The following LUZP2 variants were observed in gnomAD, a reference collection of about 807,000 sequenced individuals.
The protein encoded by LUZP2 is leucine zipper protein 2.
Under a neutral mutation model 51.6 loss-of-function variants are expected in LUZP2, and 52 were observed. That is an observed-to-expected ratio of 1.01 (90% CI 0.81 to 1.27). LUZP2 has a LOEUF of 1.27. Among genes scored for constraint, LUZP2 ranks in the 50% most tolerant of loss-of-function variants. The pLI, the probability that LUZP2 is intolerant of heterozygous loss-of-function variation, is 0.00. For missense variants in LUZP2, 436 were observed against 395.4 expected, an observed-to-expected ratio of 1.10 and a Z score of -0.87; for synonymous variants, 154 against 137.3, an observed-to-expected ratio of 1.12 and a Z score of -0.85.
At chr11:24,593,564 A>C (rs898358436) in intron 1 of LUZP2, among the ~76,000 whole-genome samples, 9 of 152,158 alleles carry the variant, frequency 5.9e-5, no homozygotes, top group African/African-American at 2.2e-4. Context: ...TGCCCAGAAC[A>C]TCTCAAATTT....
chr11:24,936,098 T>G (rs188804645), intron 7 of LUZP2, among the ~76,000 whole-genome samples: 12 of 152,272 alleles, frequency 7.9e-5, no homozygotes, highest in African/African-American at 2.9e-4. Flanking sequence ...AAGAAGACAT[T>G]TACCTTTTAC....
chr11:24,953,011 C>T (rs757018522), intron 7 of LUZP2, among the ~76,000 whole-genome samples: 3 of 151,396 alleles, frequency 2.0e-5, no homozygotes, highest in Non-Finnish European at 2.9e-5. Context: ...CTTATGAATT[C>T]AAGTGAAAAT....
chr11:24,818,775 AC>A (rs1850266444), intron 5 of LUZP2, among the ~76,000 whole-genome samples: 1 of 151,978 alleles, frequency 6.6e-6, no homozygotes, highest in Non-Finnish European at 1.5e-5. Context: ...ATGACCCCTT[AC>A]TTGGCTTGAT....
At chr11:24,732,857 T>C (rs980144336) in intron 3 of LUZP2, among the ~76,000 whole-genome samples, 6 of 151,738 alleles carry the variant, frequency 4.0e-5, no homozygotes, top group African/African-American at 1.4e-4. Flanking sequence ...ACAACTACCT[T>C]GTGAAGTGGC....
chr11:24,512,027 G>C (rs1280380125), intron 1 of LUZP2, among the ~76,000 whole-genome samples: 1 of 152,174 alleles, frequency 6.6e-6, no homozygotes, highest in Non-Finnish European at 1.5e-5. Context: ...GGGGGAGAGT[G>C]AATAAAGAAA....
chr11:24,727,175 TAAAC>T (rs1858512924), intron 1 of LUZP2, among the ~76,000 whole-genome samples: 1 of 152,042 alleles, frequency 6.6e-6, no homozygotes, highest in Non-Finnish European at 1.5e-5. Flanking sequence ...ATAAATATAG[TAAAC>T]AAAGTCAACA....
chr11:24,995,001 C>T (rs1856451157), intron 9 of LUZP2, among the ~76,000 whole-genome samples: 1 of 152,050 alleles, frequency 6.6e-6, no homozygotes, highest in African/African-American at 2.4e-5. Context: ...ATAAGAATAC[C>T]ATAAAACGTT....
intron 1 of LUZP2, among the ~76,000 whole-genome samples, chr11:24,657,714 G>A (rs1166579270): frequency 6.6e-6 from 1 of 152,074 alleles, no homozygotes; most frequent in Non-Finnish European, 1.5e-5. Context: ...TAACCTGATA[G>A]GTAACTTCAG....
chr11:24,858,983 T>C (rs1194217277), intron 5 of LUZP2, among the ~76,000 whole-genome samples: 3 of 152,218 alleles, frequency 2.0e-5, no homozygotes, highest in Non-Finnish European at 4.4e-5. Flanking sequence ...TTATCATTAT[T>C]GATATATTGT....
In LUZP2 at chr11:24,534,878, T is replaced by C. The variant is rs577115378; in HGVS notation, c.62+37573T>C. On this transcript the variant is annotated intron_variant, in intron 1 of 11. Transcript: ENST00000336930. ...GGTCCTTGGCAATGCAGGTCCTTGG[T>C]TGAAACTTTTAAAACTTGAATTTCT... Among the ~76,000 whole-genome samples the C allele has an allele frequency of 7.3e-5, 11 of 151,544 alleles. No individual in the cohort carries two copies. The South Asian group carries it at 2.3e-3, about 31-fold the overall frequency.
At chr11:24,651,998 T>C (rs1386675517) in intron 1 of LUZP2, among the ~76,000 whole-genome samples, 1 of 152,064 alleles carries the variant, frequency 6.6e-6, no homozygotes, top group Non-Finnish European at 1.5e-5. Flanking sequence ...TGTGTGTTTG[T>C]GTGTATGTGT....
intron 1 of LUZP2, among the ~76,000 whole-genome samples, chr11:24,645,736 T>A (rs1855442525): frequency 6.6e-6 from 1 of 151,896 alleles, no homozygotes; most frequent in Non-Finnish European, 1.5e-5. Flanking sequence ...TGCAGTAATA[T>A]CTGGCTTGTT....
intron 1 of LUZP2, among the ~76,000 whole-genome samples, chr11:24,656,409 C>T (rs1855805613): frequency 6.6e-6 from 1 of 152,002 alleles, no homozygotes; most frequent in Non-Finnish European, 1.5e-5. Flanking sequence ...TTACCTAAGC[C>T]CGTATGGATT....
rs866156279 is a variant in LUZP2 at position 24,602,273 on chromosome 11, C to T, written c.62+104968C>T. On this transcript the variant is annotated intron_variant, in intron 1 of 11. Transcript: ENST00000336930. ...ATATATGCAAACATATATGTACATA[C>T]ATATATACACACATATATATGTACA... 7.2e-3 allele frequency among the ~76,000 whole-genome samples: 608 copies of T among 85,034 alleles called. 13 individuals are homozygous for T. The highest frequency in any genetic ancestry group is 0.019 in the African/African-American group (361 of 19,130). 55.8% of individuals were successfully genotyped at this position (85,034 alleles called of 152,430 possible).
Position 24,654,929 on chromosome 11 carries a change from TTTTCTCA to T in LUZP2, c.63-74236_63-74230del, listed in dbSNP as rs1180743147. Among the ~76,000 whole-genome samples the T allele has an allele frequency of 2.0e-5, 3 of 152,138 alleles. No individual in the cohort carries two copies. The East Asian group carries it at 5.8e-4, about 29-fold the overall frequency. The stretch of plus-strand genomic sequence containing the variant: ...ATGTTCCTTGGCATTTACCCTATTT[TTTTCTCA>T]TTTTGTTTGGATACTTAGACTAAGT... On this transcript the variant is annotated intron_variant, in intron 1 of 11. Coordinates refer to ENST00000336930, the MANE Select transcript of LUZP2 (RefSeq NM_001009909.4).
intron 2 of LUZP2, among the ~76,000 whole-genome samples, chr11:24,731,305 A>G (rs1204935429): frequency 6.6e-6 from 1 of 151,716 alleles, no homozygotes; most frequent in African/African-American, 2.4e-5. Flanking sequence ...CCTTTTTGCT[A>G]TTGTCAGTTC....
chr11:24,507,186 A>G (rs1054442395), intron 1 of LUZP2, among the ~76,000 whole-genome samples: 10 of 152,080 alleles, frequency 6.6e-5, no homozygotes, highest in Admixed American at 1.3e-4. Context: ...TACATATTTC[A>G]GTTCCTACCC....
chr11:24,966,404 A>G (rs1349659070), intron 7 of LUZP2, among the ~76,000 whole-genome samples: 3 of 150,732 alleles, frequency 2.0e-5, no homozygotes, highest in African/African-American at 7.3e-5. Context: ...CATTTTATAT[A>G]TAATAAAATT....
intron 1 of LUZP2, among the ~76,000 whole-genome samples, chr11:24,716,210 T>C (rs965273063): frequency 6.6e-6 from 1 of 152,190 alleles, no homozygotes. Flanking sequence ...AAGTTTGTGT[T>C]TCTACAGTTA....
Sources: allele counts gnomAD v4.1 joint callset (sites outside exome capture counted in the v4.1 genomes callset), GRCh38; gene constraint gnomAD v4.1.1; transcripts MANE v1.5; gene names NCBI Gene and HGNC (gene_info 2026-07-23, HGNC 2026-07-21).